Variants in CFTR observed in about 807,000 individuals in gnomAD.
CFTR encodes the protein CF transmembrane conductance regulator, also known as cystic fibrosis transmembrane conductance regulator.
A neutral mutation model predicts 171.6 loss-of-function variants in CFTR; 181 were observed. That is an observed-to-expected ratio of 1.05 (90% confidence interval 0.93 to 1.19). The LOEUF is 1.19. CFTR is among the 50% of genes most tolerant of loss of function. The pLI is 0.00. For synonymous variants in CFTR, 583 were observed against 608.0 expected, an observed-to-expected ratio of 0.96 and a Z score of 0.60; for missense variants, 1,968 against 1,734.7, an observed-to-expected ratio of 1.13 and a Z score of -2.39.
rs529130329 is a variant in CFTR at position 117,547,425 on chromosome 7, T to A, written c.1210-1216T>A. On this transcript the variant is annotated intron_variant, in intron 9 of 26. Transcript: ENST00000003084. The stretch of plus-strand genomic sequence containing the variant: ...TATAAAATTGGTTCTTATTGTCAAG[T>A]CAATCAGCTAAATATAACTTGCTTT... Among the ~76,000 whole-genome samples, 27 of 152,142 alleles carry A rather than the reference T, an allele frequency of 1.8e-4. No individual in the cohort carries two copies. In the South Asian group the frequency reaches 3.3e-3, roughly 19 times the overall value.
chr7:117,641,321 A>G lies in CFTR; in HGVS notation c.3718-1117A>G, dbSNP rs35746597. Among the ~76,000 whole-genome samples the G allele has an allele frequency of 3.7e-3, 563 of 152,324 alleles. 7 individuals carry two copies. The highest frequency in any genetic ancestry group is 0.011 in the African/African-American group (468 of 41,584). The stretch of plus-strand genomic sequence containing the variant: ...TTCTGGTTTACAAACTTACTTTTCT[A>G]TGATGACATAGTATAGAAATTGAGA... On this transcript the variant is annotated intron_variant, in intron 22 of 26. Coordinates refer to ENST00000003084, the MANE Select transcript of CFTR (RefSeq NM_000492.4).
chr7:117,665,647 T>C (rs982909985), intron 26 of CFTR, 83 bp downstream of exon 26: 2 of 880,894 alleles, frequency 2.3e-6, no homozygotes, highest in African/African-American at 3.3e-5. Flanking sequence ...TCCTGCAAAT[T>C]GCAACAATGT....
chr7:117,531,496 T>C (rs1046134700), intron 4 of CFTR, among the ~76,000 whole-genome samples: 2 of 152,106 alleles, frequency 1.3e-5, no homozygotes, highest in African/African-American at 4.8e-5. Flanking sequence ...GAGTATAATA[T>C]ATGATTGTTA....
intron 18 of CFTR, among the ~76,000 whole-genome samples, chr7:117,609,461 G>T (rs1217022186): frequency 6.6e-6 from 1 of 152,100 alleles, no homozygotes; most frequent in Non-Finnish European, 1.5e-5. Flanking sequence ...AATCCTTTCT[G>T]CAGACAGTTA....
chr7:117,536,780 T>A, intron 7 of CFTR, 107 bp downstream of exon 7: 1 of 947,890 alleles, frequency 1.1e-6, no homozygotes, highest in Non-Finnish European at 1.6e-6. Flanking sequence ...TTTGTGACAA[T>A]CAAATGATTG....
At chr7:117,497,119 G>A (rs1413994540) in intron 1 of CFTR, among the ~76,000 whole-genome samples, 1 of 151,998 alleles carries the variant, frequency 6.6e-6, no homozygotes, top group Non-Finnish European at 1.5e-5. Context: ...GTAGGCTTTG[G>A]TGTCACAATC....
intron 3 of CFTR, among the ~76,000 whole-genome samples, chr7:117,518,666 A>G (rs1798638559): frequency 6.6e-6 from 1 of 151,126 alleles, no homozygotes; most frequent in Non-Finnish European, 1.5e-5. Flanking sequence ...CCTGGGCTCA[A>G]GTGATCCTAC....
intron 3 of CFTR, among the ~76,000 whole-genome samples, chr7:117,523,383 T>G (rs1053748676): frequency 2.7e-5 from 4 of 149,430 alleles, no homozygotes; most frequent in African/African-American, 9.8e-5. Flanking sequence ...TGTTTTTTGT[T>G]TTTTTTTTTT....
intron 22 of CFTR, among the ~76,000 whole-genome samples, chr7:117,632,557 CAAA>C (rs56829741): frequency 2.2e-5 from 2 of 91,408 alleles, no homozygotes; most frequent in African/African-American, 4.0e-5. Flanking sequence ...GACACTGTCT[CAAA>C]AAAAAAAAAG....
Position 117,592,406 on chromosome 7 carries a change from G to A in CFTR, c.2239G>A (p.Ala747Thr). 6.2e-7 allele frequency: 1 copy of A among 1,613,780 alleles called. No individual in the cohort carries two copies. The highest frequency in any genetic ancestry group is 8.5e-7 in the Non-Finnish European group (1 of 1,179,850). The stretch of plus-strand genomic sequence containing the variant: ...AGTACCAGATTCTGAGCAGGGAGAG[G>A]CGATACTGCCTCGCATCAGCGTGAT... ...SLVPDSEQGE[A>T]ILPRISVIST... Residue 747 changes from alanine (A) to threonine (T), a missense_variant, in exon 14 of 27, where the codon GCG becomes ACG. Physicochemically the swap from Ala to Thr is moderately conservative, Grantham distance 58 (BLOSUM62 0). Coordinates refer to ENST00000003084, the MANE Select transcript of CFTR (RefSeq NM_000492.4).
chr7:117,606,530 T>G (rs894904134), intron 17 of CFTR, 144 bp from the exon 18 acceptor site: 1 of 615,978 alleles, frequency 1.6e-6, no homozygotes, highest in Admixed American at 2.8e-5. Context: ...GAAACAAAAA[T>G]TTCTAAGTCT....
rs1793420438 is a variant in CFTR, at chr7:117,668,407, A to G, written c.*1299A>G. On this transcript the variant is annotated 3_prime_UTR_variant, in exon 27 of 27. Transcript: ENST00000003084. ...GGGACAGGGGAGAACCTAGGGTGAT[A>G]TTAACCAGGGGCCATGAATCACCTT... is the stretch of plus-strand genomic sequence containing the variant. 2.0e-5 allele frequency: 3 copies of G among 152,362 alleles called. No homozygotes were observed. The highest frequency in any genetic ancestry group is 4.4e-5 in the Non-Finnish European group (3 of 68,038). 9.4% of individuals were successfully genotyped at this position (152,362 alleles called of 1,614,324 possible). A position where few individuals can be genotyped will look rare whatever the true frequency, so the allele number is the denominator to read the frequency against.
At chr7:117,564,262 G>A (rs746603016) in intron 11 of CFTR, among the ~76,000 whole-genome samples, 2 of 152,198 alleles carry the variant, frequency 1.3e-5, no homozygotes, top group Non-Finnish European at 2.9e-5. Context: ...ATGACAGCAC[G>A]TGATTGCTGG....
chr7:117,661,996 A>C (rs901968296), intron 24 of CFTR, among the ~76,000 whole-genome samples: 1 of 151,806 alleles, frequency 6.6e-6, no homozygotes, highest in Admixed American at 6.6e-5. Context: ...AAAAAAAAAA[A>C]AAAAAAAAAA....
At position 117,665,468 on chromosome 7, in the gene CFTR, A is replaced by C. The variant is rs765036437; in HGVS notation, c.4146A>C (p.Gln1382His). 2 of 1,599,014 alleles carry C rather than the reference A, an allele frequency of 1.3e-6. No homozygotes were observed. Among genetic ancestry groups the C allele is most frequent in the South Asian group, 2.2e-5 (2 of 90,826 alleles). The change falls in exon 26 of 27, where the codon CAA becomes CAC. Residue 1382 changes from glutamine (Q) to histidine (H), a missense_variant. Gln to His is a conservative substitution (Grantham distance 24, BLOSUM62 0). Transcript: ENST00000003084. Reference protein sequence around the residue: ...PSAHLDPVTYQIIRRTLKQAF... With the variant: ...PSAHLDPVTYHIIRRTLKQAF... ...TTTCTTTCTTTTCTAGAACATACCA[A>C]ATAATTAGAAGAACTCTAAAACAAG... is the stretch of plus-strand genomic sequence containing the variant.
At chr7:117,606,800 A>G (rs537062304) in intron 18 of CFTR, 47 bp downstream of exon 18, 1 of 1,052,618 alleles carries the variant, frequency 9.5e-7, no homozygotes, top group African/African-American at 1.6e-5. Flanking sequence ...TATTAAAAAA[A>G]CAATAACAAA....
intron 11 of CFTR, among the ~76,000 whole-genome samples, chr7:117,577,444 G>C (rs1791788313): frequency 6.6e-6 from 1 of 152,120 alleles, no homozygotes; most frequent in African/African-American, 2.4e-5. Flanking sequence ...CTGTTTTACA[G>C]TTATTCTTTG....
At chr7:117,522,012 G>A (rs1259018929) in intron 3 of CFTR, among the ~76,000 whole-genome samples, 1 of 152,148 alleles carries the variant, frequency 6.6e-6, no homozygotes, top group African/African-American at 2.4e-5. Context: ...AAGAACATGT[G>A]AGAAATGAGA....
chr7:117,612,558 G>A (rs1181972661), intron 20 of CFTR, among the ~76,000 whole-genome samples: 12 of 152,010 alleles, frequency 7.9e-5, no homozygotes, highest in Admixed American at 7.9e-4. Context: ...TATGATAAGT[G>A]TTGAAATAAC....
Sources: gnomAD v4.1 joint callset for allele counts (sites outside exome capture counted in the v4.1 genomes callset) on GRCh38, gnomAD v4.1.1 for gene constraint, MANE v1.5 for transcripts, NCBI Gene and HGNC (gene_info 2026-07-23, HGNC 2026-07-21) for gene names.